CELSR3: variants seen among roughly 807,000 people sequenced by gnomAD.
CELSR3 encodes the protein EGF-like protein 1.
A neutral mutation model predicts 270.0 loss-of-function variants in CELSR3; 73 were observed. The observed-to-expected ratio is 0.27, with a 90% CI of 0.22 to 0.33. The LOEUF is 0.33. Ranked by LOEUF, CELSR3 falls within the 10% of genes least tolerant of loss-of-function variation. The pLI, the probability that CELSR3 is intolerant of heterozygous loss-of-function variation, is 1.00. For synonymous variants in CELSR3, 1,780 were observed against 1,905.4 expected (o/e 0.93, Z 1.71); for missense variants, 3,614 against 4,533.8 (o/e 0.80, Z 5.83).
chr3:48,646,160 G>C lies in CELSR3; in HGVS notation c.7393C>G (p.Leu2465Val). 6.2e-7 allele frequency: 1 copy of C among 1,612,846 alleles called. No individual in the cohort carries two copies. Among genetic ancestry groups the C allele is most frequent in the Non-Finnish European group, 8.5e-7 (1 of 1,179,940 alleles). ...GCTGTCTGTAGCAGGCGAAACTCTA[G>C]GCTGATGGGGGACTCCAGGATTCCC... ...LRGILESPIS[L>V]EFRLLQTANR... The change falls in exon 22 of 35, where the codon CTA (leucine) becomes GTA (valine). Residue 2465 changes from leucine to valine, a missense_variant. Transcript: ENST00000164024. The surrounding 1 kb of genome is among the most constrained non-coding windows in gnomAD (Gnocchi z 4.8).
chr3:48,642,264 CCA>C lies in CELSR3; in HGVS notation c.8665+92_8665+93del, dbSNP rs2106698853. 7.4e-7 allele frequency: 1 copy of C among 1,351,294 alleles called. No individual in the cohort carries two copies. Among genetic ancestry groups the C allele is most frequent in the East Asian group, 2.4e-5 (1 of 41,158 alleles). 83.7% of individuals were successfully genotyped at this position (1,351,294 alleles called of 1,614,324 possible). On this transcript the variant is annotated intron_variant, in intron 31 of 34. Coordinates refer to ENST00000164024, the MANE Select transcript of CELSR3 (RefSeq NM_001407.3). This position sits in a 1 kb window ranked among gnomAD's most constrained non-coding sequence, Gnocchi z 6.1. ...GGACCCTGGGGGAGATCGTCCCACC[CCA>C]GTCAGCCACTGCTCCCAGTATGGGG...
Position 48,648,444 on chromosome 3 carries a change from G to A in CELSR3, c.6795C>T (p.Gly2265=), listed in dbSNP as rs376414191. Residue 2265 remains glycine (G), a synonymous_variant, in exon 19 of 35, where the codon GGC becomes GGT. Coordinates refer to ENST00000164024, the MANE Select transcript of CELSR3 (RefSeq NM_001407.3). The part of the protein sequence containing the change: ...AHFNENLLWA[G]SALLAPETGD... ...CTGTCTCTGGGGCAAGCAGTGCAGA[G>A]CCGGCCCACAGCAGATTCTGGGAAG... 8.9e-6 allele frequency: 14 copies of A among 1,576,932 alleles called. No homozygotes were observed. The highest frequency in any genetic ancestry group is 1.2e-5 in the Non-Finnish European group (14 of 1,164,356).
Position 48,660,142 on chromosome 3 carries a change from T to C in CELSR3, c.2493A>G (p.Leu831=). Reference sequence around the variant, plus strand: ...CATGAAGGGCACGGTCAGATGCAGTTAGTACCAGCTTGAAGTAGCGTTCCT... The same window carrying C: ...CATGAAGGGCACGGTCAGATGCAGTCAGTACCAGCTTGAAGTAGCGTTCCT... The part of the protein sequence containing the change: ...YKQERYFKLV[L]TASDRALHDH... Residue 831 remains leucine (L), a synonymous_variant, in exon 1 of 35, where the codon CTA becomes CTG. Transcript: ENST00000164024. The surrounding 1 kb of genome is among the most constrained non-coding windows in gnomAD (Gnocchi z 5.5). The C allele has an allele frequency of 1.2e-6, 2 of 1,614,124 alleles. No homozygotes were observed. Among genetic ancestry groups the C allele is most frequent in the Non-Finnish European group, 1.7e-6 (2 of 1,180,032 alleles).
At chr3:48,643,796 C>T (rs1016396780) in intron 27 of CELSR3, 119 bp from the exon 28 acceptor site, 11 of 1,239,336 alleles carry the variant, frequency 8.9e-6, no homozygotes, top group African/African-American at 7.6e-5. Context: ...GGAACTCACA[C>T]GGGAACATGG....
In CELSR3 at chr3:48,646,179, G is replaced by A. The variant is rs200847583; in HGVS notation, c.7374C>T (p.Ile2458=). 2.0e-5 allele frequency: 33 copies of A among 1,612,840 alleles called. 1 individual carries two copies. In the East Asian group the frequency reaches 2.5e-4, roughly 12 times the overall value. The change falls in exon 22 of 35, where the codon ATC becomes ATT. Residue 2458 remains isoleucine, a synonymous_variant. Transcript: ENST00000164024. This position sits in a 1 kb window ranked among gnomAD's most constrained non-coding sequence, Gnocchi z 4.8. ...VFHGRNFLRG[I]LESPISLEFR... ...ACTCTAGGCTGATGGGGGACTCCAGGATTCCCCTTAGGAAGTTGCGTCCGT... is the reference window on the plus strand; with the variant it reads ...ACTCTAGGCTGATGGGGGACTCCAGAATTCCCCTTAGGAAGTTGCGTCCGT...
intron 2 of CELSR3, 105 bp from the exon 3 acceptor site, chr3:48,656,470 G>T (rs930940444): frequency 1.1e-4 from 126 of 1,187,334 alleles, no homozygotes; most frequent in Non-Finnish European, 1.2e-4. Flanking sequence ...ACCCCCGAAA[G>T]GTCGCCCTCT....
In CELSR3 at chr3:48,649,190, C is replaced by T. The variant is rs1311574693; in HGVS notation, c.6498G>A (p.Glu2166=). The T allele has an allele frequency of 6.2e-7, 1 of 1,611,602 alleles. No individual in the cohort carries two copies. Among genetic ancestry groups the T allele is most frequent in the East Asian group, 2.2e-5 (1 of 44,848 alleles). Residue 2166 remains glutamate, a synonymous_variant, in exon 17 of 35, where the codon GAG becomes GAA. Coordinates refer to ENST00000164024, the MANE Select transcript of CELSR3 (RefSeq NM_001407.3). The stretch of plus-strand genomic sequence containing the variant: ...GGTCGGGCTCCAGCCAACCCTGGGC[C>T]TCATCACACAGCCGCACAGCAGCAC... ...ALGAAVRLCD[E]AQGWLEPDLF... is the part of the protein sequence containing the mutation.
In CELSR3 at chr3:48,651,944, A is replaced by G. The variant is rs761701842; in HGVS notation, c.5856T>C (p.Ser1952=). Residue 1952 remains serine, a synonymous_variant, in exon 12 of 35, where the codon TCT becomes TCC. Transcript: ENST00000164024. This position sits in a 1 kb window ranked among gnomAD's most constrained non-coding sequence, Gnocchi z 7.4. ...AGTCTGCGTGAGGTGGGCAGGGCCC[A>G]GAGGCACAGGCGTTGGTCACAACAC... The part of the protein sequence containing the change: ...PGCVVTNACA[S]GPCPPHADCR... The G allele has an allele frequency of 1.2e-6, 2 of 1,610,688 alleles. No homozygotes were observed. The highest frequency in any genetic ancestry group is 1.7e-6 in the Non-Finnish European group (2 of 1,179,090).
intron 16 of CELSR3, among the ~76,000 whole-genome samples, chr3:48,649,782 CAAGA>C (rs1559478894): frequency 6.6e-6 from 1 of 152,142 alleles, no homozygotes; most frequent in African/African-American, 2.4e-5. Context: ...TAGCTACCAA[CAAGA>C]GAGAGCCTAA....
Position 48,657,380 on chromosome 3 carries a change from T to G in CELSR3, c.3749-32A>C, listed in dbSNP as rs1424901050. On this transcript the variant is annotated intron_variant, in intron 1 of 34. Coordinates refer to ENST00000164024, the MANE Select transcript of CELSR3 (RefSeq NM_001407.3). This position sits in a 1 kb window ranked among gnomAD's most constrained non-coding sequence, Gnocchi z 5.4. ...GCGGGGGCAGGGGCAGTGGTCATCC[T>G]GGGGACAGTGGCCACCCCTCCCTGG... 2 of 1,527,836 alleles carry G rather than the reference T, an allele frequency of 1.3e-6. No homozygotes were observed. The highest frequency in any genetic ancestry group is 1.8e-6 in the Non-Finnish European group (2 of 1,138,586). The allele number at this position is 1,527,836 out of a possible 1,614,324, so 94.6% of individuals were successfully genotyped here.
At position 48,660,607 on chromosome 3, in the gene CELSR3, G is replaced by A. The variant is rs112965073; in HGVS notation, c.2028C>T (p.Val676=). The A allele has an allele frequency of 2.6e-5, 42 of 1,614,194 alleles. No individual in the cohort carries two copies. The African/African-American group carries it at 3.9e-4, about 15-fold the overall frequency. ...LGHSVIHIQA[V]DADHGENARL... Reference sequence around the variant, plus strand: ...TGGCATTCTCCCCATGGTCTGCATCGACTGCCTGAATGTGGATGACTGAGT... The same window carrying A: ...TGGCATTCTCCCCATGGTCTGCATCAACTGCCTGAATGTGGATGACTGAGT... Residue 676 remains valine (V), a synonymous_variant, in exon 1 of 35, where the codon GTC becomes GTT. Transcript: ENST00000164024. The surrounding 1 kb of genome is among the most constrained non-coding windows in gnomAD (Gnocchi z 5.5).
chr3:48,643,768 C>T, intron 27 of CELSR3, 91 bp from the exon 28 acceptor site: 3 of 1,441,520 alleles, frequency 2.1e-6, no homozygotes, highest in Non-Finnish European at 2.8e-6. Context: ...AGGGGCCACA[C>T]ACGAAACGTG....
Position 48,659,731 on chromosome 3 carries a change from C to A in CELSR3, c.2904G>T (p.Gly968=), listed in dbSNP as rs1446742348. 2.5e-6 allele frequency: 4 copies of A among 1,614,068 alleles called. No homozygotes were observed. In the South Asian group the frequency reaches 4.4e-5, roughly 18 times the overall value. ...APQFVASHYT[G]LVSEDAPPFT... is the part of the protein sequence containing the mutation. ...AAGGTGGGGCATCCTCAGAGACCAG[C>A]CCTGTATAGTGGGAGGCCACAAATT... The change falls in exon 1 of 35, where the codon GGG becomes GGT. Residue 968 remains glycine, a synonymous_variant. Transcript: ENST00000164024. The surrounding 1 kb of genome is among the most constrained non-coding windows in gnomAD (Gnocchi z 8.1).
rs2077044278 is a variant in CELSR3 at position 48,658,836 on chromosome 3, G to GT, written c.3748+50_3748+51insA. 6.3e-7 allele frequency: 1 copy of GT among 1,587,764 alleles called. No homozygotes were observed. Among genetic ancestry groups the GT allele is most frequent in the Admixed American group, 1.7e-5 (1 of 58,624 alleles). ...TTGAGGTGCCCTGTGGAGTCCCTGAGGCCCAACAGGTTGGTGTCACTGGGT... is the reference window on the plus strand; with the variant it reads ...TTGAGGTGCCCTGTGGAGTCCCTGAGTGCCCAACAGGTTGGTGTCACTGGGT... On this transcript the variant is annotated intron_variant, in intron 1 of 34. Coordinates refer to ENST00000164024, the MANE Select transcript of CELSR3 (RefSeq NM_001407.3). The surrounding 1 kb of genome is among the most constrained non-coding windows in gnomAD (Gnocchi z 4.7).
chr3:48,657,942 A>G lies in CELSR3; in HGVS notation c.3749-594T>C, dbSNP rs557741248. 6.6e-6 allele frequency among the ~76,000 whole-genome samples: 1 copy of G among 152,084 alleles called. No individual in the cohort carries two copies. The highest frequency in any genetic ancestry group is 2.4e-5 in the African/African-American group (1 of 41,396). ...CCATCCTCCAGAATCCTGGGTTATC[A>G]AGCTCCAGGGGGGTCTTGAACCCTG... is the stretch of plus-strand genomic sequence containing the variant. On this transcript the variant is annotated intron_variant, in intron 1 of 34. Transcript: ENST00000164024. The surrounding 1 kb of genome is among the most constrained non-coding windows in gnomAD (Gnocchi z 5.4).
At position 48,636,791 on chromosome 3, in the gene CELSR3, A is replaced by C. The variant is rs1266172798; in HGVS notation, c.*1414T>G. ...GAGGTGTCTGCACAGACCACCCCCC[A>C]GCCCTGCACAGCCACTCTCCCCCGT... On this transcript the variant is annotated 3_prime_UTR_variant, in exon 35 of 35. Transcript: ENST00000164024. 1 of 152,154 alleles carries C rather than the reference A, an allele frequency of 6.6e-6. No individual in the cohort carries two copies. Among genetic ancestry groups the C allele is most frequent in the Non-Finnish European group, 1.5e-5 (1 of 68,052 alleles). The allele number at this position is 152,154 out of a possible 1,614,324, so 9.4% of individuals were successfully genotyped here.
Position 48,646,010 on chromosome 3 carries a change from GC to G in CELSR3, c.7463+79del. 6.3e-7 allele frequency: 1 copy of G among 1,585,784 alleles called. No individual in the cohort carries two copies. Among genetic ancestry groups the G allele is most frequent in the Non-Finnish European group, 8.6e-7 (1 of 1,162,234 alleles). On this transcript the variant is annotated intron_variant, in intron 22 of 34. Transcript: ENST00000164024. This position sits in a 1 kb window ranked among gnomAD's most constrained non-coding sequence, Gnocchi z 4.8. ...GGGTTGCACAACAGCACTAGTGGGGGCCCCAGGGGAAGGCTGGGACTATTAG... is the reference window on the plus strand; with the variant it reads ...GGGTTGCACAACAGCACTAGTGGGGGCCCAGGGGAAGGCTGGGACTATTAG...
rs369860222 is a variant in CELSR3 at position 48,646,130 on chromosome 3, G to C, written c.7423C>G (p.Arg2475Gly). The stretch of plus-strand genomic sequence containing the variant: ...CACTGCACACAGATCGCCTTGCTCC[G>C]ATTCGCTGTCTGTAGCAGGCGAAAC... ...LEFRLLQTAN[R>G]SKAICVQWDP... Residue 2475 changes from arginine (R) to glycine (G), a missense_variant, in exon 22 of 35, where the codon CGG becomes GGG. Arg to Gly is a moderately radical substitution (Grantham distance 125, BLOSUM62 -2). Coordinates refer to ENST00000164024, the MANE Select transcript of CELSR3 (RefSeq NM_001407.3). The surrounding 1 kb of genome is among the most constrained non-coding windows in gnomAD (Gnocchi z 4.8). 2 of 1,612,882 alleles carry C rather than the reference G, an allele frequency of 1.2e-6. No homozygotes were observed. The highest frequency in any genetic ancestry group is 1.7e-6 in the Non-Finnish European group (2 of 1,179,932).
chr3:48,651,691 G>A lies in CELSR3; in HGVS notation c.5951C>T (p.Ala1984Val), dbSNP rs1404094924. The A allele has an allele frequency of 1.9e-6, 3 of 1,566,654 alleles. No homozygotes were observed. Among genetic ancestry groups the A allele is most frequent in the East Asian group, 2.2e-5 (1 of 44,602 alleles). Reference sequence around the variant, plus strand: ...GTTCTGACAGGGGTTCAGGAGGCAGGCATCCACACAGCCTGGGCCGTAGTA... The same window carrying A: ...GTTCTGACAGGGGTTCAGGAGGCAGACATCCACACAGCCTGGGCCGTAGTA... ...PGYYGPGCVDACLLNPCQNQG... is the reference protein window; with the variant it reads ...PGYYGPGCVDVCLLNPCQNQG... Residue 1984 changes from alanine to valine, a missense_variant, in exon 13 of 35, where the codon GCC (alanine) becomes GTC (valine). By Grantham distance (64) the Ala-to-Val change is moderately conservative. This residue lies in a region of CELSR3 where 1,331 missense variants were observed against 1,933.7 expected (regional missense o/e 0.69). Coordinates refer to ENST00000164024, the MANE Select transcript of CELSR3 (RefSeq NM_001407.3). The surrounding 1 kb of genome is among the most constrained non-coding windows in gnomAD (Gnocchi z 7.4).
Sources: gnomAD v4.1 joint callset for allele counts (sites outside exome capture counted in the v4.1 genomes callset) on GRCh38, gnomAD v4.1.1 for gene constraint, gnomAD v4.1.1 regional missense constraint, Gnocchi (gnomAD v3.1) non-coding constraint, MANE v1.5 for transcripts, NCBI Gene and HGNC (gene_info 2026-07-23, HGNC 2026-07-21) for gene names.